Variants in PCDHGA2 observed in about 807,000 individuals in gnomAD.
PCDHGA2 encodes protocadherin gamma-A2.
A neutral mutation model predicts 59.2 loss-of-function variants in PCDHGA2; 40 were observed. The ratio of observed to expected loss-of-function variants is 0.68; its 90% confidence interval spans 0.52 to 0.88. The LOEUF (loss-of-function observed/expected upper bound fraction) is 0.88. Ranked by LOEUF, PCDHGA2 falls within the 40% of genes least tolerant of loss-of-function variation. PCDHGA2 has a pLI of 0.00. For synonymous variants in PCDHGA2, 560 were observed against 526.0 expected (o/e 1.06, Z -0.89); for missense variants, 1,226 against 1,204.0 (o/e 1.02, Z -0.27).
At chr5:141,351,142 T>G (rs1758655977) in intron 1 of PCDHGA2, 1 of 1,614,016 alleles carries the variant, frequency 6.2e-7, no homozygotes, top group Non-Finnish European at 8.5e-7. Flanking sequence ...ATCCAAATAC[T>G]GGCGACATCA....
chr5:141,408,806 C>A (rs1368887332), intron 1 of PCDHGA2: 2 of 1,612,894 alleles, frequency 1.2e-6, no homozygotes, highest in African/African-American at 1.3e-5. Flanking sequence ...ACTCCTAGAC[C>A]GGGAAGAACA....
intron 1 of PCDHGA2, chr5:141,395,116 T>C (rs1255512461): frequency 1.9e-6 from 3 of 1,614,216 alleles, no homozygotes; most frequent in Admixed American, 3.3e-5. Context: ...AAGAGTCACC[T>C]GATCTTTCCC....
chr5:141,357,274 T>C, intron 1 of PCDHGA2: 7 of 1,613,774 alleles, frequency 4.3e-6, no homozygotes, highest in Non-Finnish European at 5.1e-6. Context: ...CCTCACACTC[T>C]ATCTCGTGGT....
intron 1 of PCDHGA2, among the ~76,000 whole-genome samples, chr5:141,445,902 T>C (rs1022574381): frequency 3.9e-5 from 6 of 152,186 alleles, no homozygotes; most frequent in Non-Finnish European, 8.8e-5. Context: ...TTAAAATATT[T>C]TAAACAAGGC....
chr5:141,436,185 A>G (rs1324749623), intron 1 of PCDHGA2, among the ~76,000 whole-genome samples: 1 of 152,142 alleles, frequency 6.6e-6, no homozygotes, highest in Non-Finnish European at 1.5e-5. Flanking sequence ...ATATAGTCAA[A>G]TAGAAAGAAA....
rs2099641960 is a variant in PCDHGA2 at position 141,487,259 on chromosome 5, T to C, written c.2425-7548T>C. On this transcript the variant is annotated intron_variant, in intron 1 of 3. Coordinates refer to ENST00000394576, the MANE Select transcript of PCDHGA2 (RefSeq NM_018915.4). This position sits in a 1 kb window ranked among gnomAD's most constrained non-coding sequence, Gnocchi z 5.0. ...TCGTCTAACCCTCTACTTGGCTGTG[T>C]CCCTAGTGGCAATTTGCTTTGTCTC... 6.2e-7 allele frequency: 1 copy of C among 1,614,132 alleles called. No homozygotes were observed. Among genetic ancestry groups the C allele is most frequent in the Non-Finnish European group, 8.5e-7 (1 of 1,180,012 alleles).
At chr5:141,401,919 G>A (rs2150915658) in intron 1 of PCDHGA2, among the ~76,000 whole-genome samples, 1 of 152,224 alleles carries the variant, frequency 6.6e-6, no homozygotes, top group Non-Finnish European at 1.5e-5. Context: ...ATAAGTTTAA[G>A]TGATGCTTAG....
chr5:141,366,097 C>A lies in PCDHGA2; in HGVS notation c.2424+24702C>A, dbSNP rs757003836. 4.3e-6 allele frequency: 7 copies of A among 1,614,240 alleles called. No homozygotes were observed. The Admixed American group carries it at 5.0e-5, about 12-fold the overall frequency. On this transcript the variant is annotated intron_variant, in intron 1 of 3. Coordinates refer to ENST00000394576, the MANE Select transcript of PCDHGA2 (RefSeq NM_018915.4). ...CCGCAGAACCTGGCTACCTGGTGAC[C>A]AAGGTGGTAGCGGTGGACAAAGATT...
intron 1 of PCDHGA2, chr5:141,392,860 T>C (rs726684): frequency 6.2e-7 from 1 of 1,612,118 alleles, no homozygotes; most frequent in Non-Finnish European, 8.5e-7. Flanking sequence ...CTGATCCTGC[T>C]GTGCGCGCTG....
rs1407225048 is a variant in PCDHGA2 at position 141,489,600 on chromosome 5, G to T, written c.2425-5207G>T. On this transcript the variant is annotated intron_variant, in intron 1 of 3. Coordinates refer to ENST00000394576, the MANE Select transcript of PCDHGA2 (RefSeq NM_018915.4). The surrounding 1 kb of genome is among the most constrained non-coding windows in gnomAD (Gnocchi z 4.5). ...ACCCCCTGGAGCTAATCCGTGTAGA[G>T]GTAGAGATCCTGGATCTCAATGACA... The T allele has an allele frequency of 7.4e-6, 12 of 1,613,916 alleles. 1 individual carries two copies. In the South Asian group the frequency reaches 1.2e-4, roughly 16 times the overall value.
Position 141,476,290 on chromosome 5 carries a change from C to G in PCDHGA2, c.2425-18517C>G, listed in dbSNP as rs768208156. The stretch of plus-strand genomic sequence containing the variant: ...TGGTCGCGAACCTTGGTTTGGATCT[C>G]GGTAGCCTCTCAGCCCGCAGGTTCC... On this transcript the variant is annotated intron_variant, in intron 1 of 3. Coordinates refer to ENST00000394576, the MANE Select transcript of PCDHGA2 (RefSeq NM_018915.4). The surrounding 1 kb of genome is among the most constrained non-coding windows in gnomAD (Gnocchi z 7.6). 1 of 1,614,050 alleles carries G rather than the reference C, an allele frequency of 6.2e-7. No homozygotes were observed. The highest frequency in any genetic ancestry group is 1.7e-5 in the Admixed American group (1 of 60,012).
chr5:141,408,263 C>G, intron 1 of PCDHGA2: 1 of 1,606,854 alleles, frequency 6.2e-7, no homozygotes. Flanking sequence ...ATTTCCTTTG[C>G]TGCTGCCTTT....
At chr5:141,414,646 A>G in intron 1 of PCDHGA2, 2 of 1,613,928 alleles carry the variant, frequency 1.2e-6, no homozygotes, top group Non-Finnish European at 1.7e-6. Context: ...GAATGCCCAG[A>G]TTATTTACTC....
In PCDHGA2 at chr5:141,351,684, C is replaced by T. The variant is rs939154517; in HGVS notation, c.2424+10289C>T. 2.3e-5 allele frequency: 37 copies of T among 1,613,986 alleles called. No homozygotes were observed. Among genetic ancestry groups the T allele is most frequent in the Non-Finnish European group, 3.1e-5 (36 of 1,179,910 alleles). ...ATTGCACAAGTAAGCGCCTCCGACC[C>T]GGATTTGGGACCCAACGGCAGAGTC... On this transcript the variant is annotated intron_variant, in intron 1 of 3. Transcript: ENST00000394576.
At chr5:141,496,602 C>A (rs981108050) in intron 2 of PCDHGA2, among the ~76,000 whole-genome samples, 5 of 152,150 alleles carry the variant, frequency 3.3e-5, no homozygotes, top group Admixed American at 1.3e-4. Flanking sequence ...TCTTAGAAGG[C>A]CCCTAAAAAG....
intron 1 of PCDHGA2, chr5:141,388,296 T>G: frequency 1.2e-6 from 2 of 1,613,704 alleles, no homozygotes; most frequent in Non-Finnish European, 1.7e-6. Flanking sequence ...GCAAAATTCC[T>G]TTGAGCTGCA....
Position 141,431,915 on chromosome 5 carries a change from A to G in PCDHGA2, c.2425-62892A>G. 1 of 1,614,040 alleles carries G rather than the reference A, an allele frequency of 6.2e-7. No homozygotes were observed. The highest frequency in any genetic ancestry group is 8.5e-7 in the Non-Finnish European group (1 of 1,179,854). On this transcript the variant is annotated intron_variant, in intron 1 of 3. Coordinates refer to ENST00000394576, the MANE Select transcript of PCDHGA2 (RefSeq NM_018915.4). The surrounding 1 kb of genome is among the most constrained non-coding windows in gnomAD (Gnocchi z 4.8). ...GGAAAACGGACAGGTGATCTGTTTC[A>G]TCCAAGGAAATCTGCCCTTTAAATT...
intron 1 of PCDHGA2, among the ~76,000 whole-genome samples, chr5:141,359,694 G>T (rs4912605): frequency 0.056 from 8,471 of 151,988 alleles, 245 homozygotes; most frequent in African/African-American, 0.071. Flanking sequence ...ACATATCTCC[G>T]GAAGGATACC....
intron 1 of PCDHGA2, among the ~76,000 whole-genome samples, chr5:141,434,451 A>C (rs145324240): frequency 6.6e-6 from 1 of 152,210 alleles, no homozygotes; most frequent in Non-Finnish European, 1.5e-5. Context: ...GCTGGAAGGT[A>C]GTGGGTTTAC....
Sources: gnomAD v4.1 joint callset for allele counts (sites outside exome capture counted in the v4.1 genomes callset) on GRCh38, gnomAD v4.1.1 for gene constraint, Gnocchi (gnomAD v3.1) non-coding constraint, MANE v1.5 for transcripts, NCBI Gene and HGNC (gene_info 2026-07-23, HGNC 2026-07-21) for gene names.